Variants in TRAPPC9 observed in about 807,000 individuals in gnomAD.
The protein encoded by TRAPPC9 is IKK2 binding protein.
In TRAPPC9, 83 loss-of-function variants were observed where a neutral mutation model predicts 124.0. The ratio of observed to expected loss-of-function variants is 0.67; its 90% CI spans 0.56 to 0.80. The LOEUF (loss-of-function observed/expected upper bound fraction) is 0.80. Ranked by LOEUF, TRAPPC9 falls within the 30% of genes least tolerant of loss-of-function variation. TRAPPC9 has a pLI of 0.00. For synonymous variants in TRAPPC9, 638 were observed against 617.5 expected, an observed-to-expected ratio of 1.03 and a Z score of -0.49; for missense variants, 1,302 against 1,508.3, an observed-to-expected ratio of 0.86 and a Z score of 2.27.
intron 6 of TRAPPC9, among the ~76,000 whole-genome samples, chr8:140,398,403 T>C (rs960385625): frequency 1.7e-4 from 26 of 152,320 alleles, no homozygotes; most frequent in Middle Eastern, 3.4e-3. Flanking sequence ...CCTAGAGGCT[T>C]GTCGAATGGC....
In TRAPPC9 at chr8:140,104,446, C is replaced by G. The variant is rs919861745; in HGVS notation, c.2557-80367G>C. ...TCTCTGAGATACTCACAGGCCCGTG[C>G]GATAGTTGGATATCTAAGTGGGCAC... On this transcript the variant is annotated intron_variant, in intron 17 of 22. Coordinates refer to ENST00000438773, the MANE Select transcript of TRAPPC9 (RefSeq NM_001160372.4). This position sits in a 1 kb window ranked among gnomAD's most constrained non-coding sequence, Gnocchi z 4.0. 1.3e-5 allele frequency among the ~76,000 whole-genome samples: 2 copies of G among 151,948 alleles called. No individual in the cohort carries two copies. The highest frequency in any genetic ancestry group is 4.8e-5 in the African/African-American group (2 of 41,334).
intron 21 of TRAPPC9, among the ~76,000 whole-genome samples, chr8:139,740,372 T>C (rs1434486544): frequency 6.6e-6 from 1 of 152,226 alleles, no homozygotes; most frequent in Non-Finnish European, 1.5e-5. Flanking sequence ...AGGGAGGGGC[T>C]TGGCAGGGCA....
chr8:140,148,795 T>C (rs184740056), intron 17 of TRAPPC9, among the ~76,000 whole-genome samples: 1 of 152,346 alleles, frequency 6.6e-6, no homozygotes, highest in East Asian at 1.9e-4. Context: ...AGTAAGCTCA[T>C]AGTTTTCAGC....
At chr8:139,936,151 C>T (rs758470003) in intron 19 of TRAPPC9, among the ~76,000 whole-genome samples, 3 of 152,220 alleles carry the variant, frequency 2.0e-5, no homozygotes, top group Admixed American at 6.5e-5. Flanking sequence ...TCCCTAACTC[C>T]GGCCCTTTTG....
intron 16 of TRAPPC9, among the ~76,000 whole-genome samples, chr8:140,232,891 G>A (rs1240431049): frequency 6.6e-6 from 1 of 152,206 alleles, no homozygotes; most frequent in Non-Finnish European, 1.5e-5. Context: ...GGATAATAAA[G>A]GAAGAATGGT....
chr8:139,854,854 C>T (rs1263441827), intron 21 of TRAPPC9, among the ~76,000 whole-genome samples: 2 of 152,126 alleles, frequency 1.3e-5, no homozygotes, highest in Non-Finnish European at 2.9e-5. Flanking sequence ...CGCTGGTTTC[C>T]CTACGACCTG....
At chr8:140,350,646 C>T (rs911417721) in intron 9 of TRAPPC9, among the ~76,000 whole-genome samples, 10 of 151,870 alleles carry the variant, frequency 6.6e-5, no homozygotes, top group Non-Finnish European at 1.2e-4. Flanking sequence ...CTGGAGAAGA[C>T]GGCACTGGAG....
intron 18 of TRAPPC9, among the ~76,000 whole-genome samples, chr8:140,010,168 A>G (rs1335005449): frequency 2.6e-5 from 4 of 152,244 alleles, no homozygotes; most frequent in Non-Finnish European, 4.4e-5. Context: ...TTTGTGGAAT[A>G]CTTTCAATTT....
intron 17 of TRAPPC9, among the ~76,000 whole-genome samples, chr8:140,033,962 A>G (rs4269519): frequency 0.75 from 114,445 of 152,074 alleles, 43,797 homozygotes; most frequent in African/African-American, 0.89. Context: ...GATTACAGGC[A>G]TGAGCCACTG....
chr8:139,938,728 C>T (rs1210819141), intron 19 of TRAPPC9, among the ~76,000 whole-genome samples: 1 of 151,596 alleles, frequency 6.6e-6, no homozygotes, highest in Admixed American at 6.6e-5. Flanking sequence ...TCACTGCAAG[C>T]TCCGCTTCCC....
At chr8:140,198,827 T>C (rs1210985233) in intron 17 of TRAPPC9, among the ~76,000 whole-genome samples, 1 of 152,176 alleles carries the variant, frequency 6.6e-6, no homozygotes, top group Non-Finnish European at 1.5e-5. Flanking sequence ...ACCATGTCTC[T>C]CCTCTGGTAG....
chr8:139,748,688 C>T (rs772611459), intron 21 of TRAPPC9, among the ~76,000 whole-genome samples: 23 of 152,140 alleles, frequency 1.5e-4, no homozygotes, highest in African/African-American at 3.4e-4. Context: ...GCGTGTCTAG[C>T]GCAGCCTCTC....
intron 19 of TRAPPC9, among the ~76,000 whole-genome samples, chr8:139,950,498 C>T (rs1449910341): frequency 6.6e-6 from 1 of 152,194 alleles, no homozygotes; most frequent in Non-Finnish European, 1.5e-5. Flanking sequence ...TGCTGTTGAA[C>T]AGACAGCATT....
intron 17 of TRAPPC9, among the ~76,000 whole-genome samples, chr8:140,206,172 A>G (rs1242718177): frequency 2.0e-5 from 3 of 152,264 alleles, no homozygotes; most frequent in Non-Finnish European, 4.4e-5. Flanking sequence ...CAAAAGATAC[A>G]TAATAAGCAT....
intron 5 of TRAPPC9, among the ~76,000 whole-genome samples, chr8:140,414,511 G>T (rs1035139365): frequency 3.3e-5 from 5 of 152,214 alleles, no homozygotes; most frequent in Non-Finnish European, 7.4e-5. Flanking sequence ...TCCAGCCTGG[G>T]TGACAGAGAG....
intron 17 of TRAPPC9, among the ~76,000 whole-genome samples, chr8:140,210,896 C>T (rs2063046436): frequency 6.6e-6 from 1 of 152,200 alleles, no homozygotes; most frequent in South Asian, 2.1e-4. Flanking sequence ...TTTTCCTCGC[C>T]GCTGATGGGA....
At chr8:140,032,007 G>A (rs1234179688) in intron 17 of TRAPPC9, among the ~76,000 whole-genome samples, 3 of 152,144 alleles carry the variant, frequency 2.0e-5, no homozygotes, top group African/African-American at 2.4e-5. Flanking sequence ...CTCCCTGGGC[G>A]ATGAGCCCAG....
intron 17 of TRAPPC9, among the ~76,000 whole-genome samples, chr8:140,058,069 T>TG (rs1397825983): frequency 6.6e-6 from 1 of 152,226 alleles, no homozygotes; most frequent in African/African-American, 2.4e-5. Context: ...TGACAGCTCA[T>TG]GGGGCACGTC....
At chr8:140,374,344 C>T (rs965964199) in intron 7 of TRAPPC9, among the ~76,000 whole-genome samples, 15 of 152,294 alleles carry the variant, frequency 9.8e-5, no homozygotes, top group Middle Eastern at 3.4e-3. Context: ...CCGAGGCAGG[C>T]AGATCACCTG....
Sources: allele counts gnomAD v4.1 joint callset (sites outside exome capture counted in the v4.1 genomes callset), GRCh38; gene constraint gnomAD v4.1.1; non-coding constraint Gnocchi (gnomAD v3.1); transcripts MANE v1.5; gene names NCBI Gene and HGNC (gene_info 2026-07-23, HGNC 2026-07-21).